Variants in RIMS2 observed in about 807,000 individuals in gnomAD.
RIMS2 encodes regulating synaptic membrane exocytosis protein 2.
A neutral mutation model predicts 174.4 loss-of-function variants in RIMS2; 59 were observed. The ratio of observed to expected loss-of-function variants is 0.34; its 90% CI spans 0.27 to 0.42. The LOEUF is 0.42. RIMS2 is among the 10% of genes least tolerant of loss of function. The probability of loss-of-function intolerance (pLI) is 1.00; values close to 1 mark genes in which losing one functional copy is unlikely to be tolerated. For missense variants in RIMS2, 1,620 were observed against 1,666.3 expected, an observed-to-expected ratio of 0.97 and a Z score of 0.48; for synonymous variants, 606 against 572.5, an observed-to-expected ratio of 1.06 and a Z score of -0.84.
chr8:104,222,115 G>C (rs2099158135), intron 19 of RIMS2, among the ~76,000 whole-genome samples: 1 of 152,120 alleles, frequency 6.6e-6, no homozygotes, highest in African/African-American at 2.4e-5. Context: ...AACTCTTTTT[G>C]AATTGCAGTG....
chr8:104,041,479 A>C, intron 19 of RIMS2, 121 bp downstream of exon 22: 2 of 509,298 alleles, frequency 3.9e-6, no homozygotes, highest in South Asian at 6.2e-5. Context: ...AAAATATTAA[A>C]TCTTATGAGC....
chr8:103,944,511 T>C (rs962116323), intron 14 of RIMS2, among the ~76,000 whole-genome samples: 7 of 152,064 alleles, frequency 4.6e-5, no homozygotes, highest in African/African-American at 1.7e-4. Flanking sequence ...AGGTAATAGA[T>C]TGAGGACTCT....
At chr8:103,569,459 T>C (rs1031838609) in intron 1 of RIMS2, among the ~76,000 whole-genome samples, 1 of 152,214 alleles carries the variant, frequency 6.6e-6, no homozygotes, top group African/African-American at 2.4e-5. Context: ...AATATTGCTG[T>C]CTTAACAATA....
intron 19 of RIMS2, among the ~76,000 whole-genome samples, chr8:104,092,483 T>C (rs2097678677): frequency 6.6e-6 from 1 of 151,932 alleles, no homozygotes; most frequent in African/African-American, 2.4e-5. Context: ...ATAGTAAGAA[T>C]ACTGTTACAT....
At chr8:103,716,135 A>G (rs910832334) in intron 2 of RIMS2, among the ~76,000 whole-genome samples, 174 bp from the exon 5 acceptor site, 1 of 152,056 alleles carries the variant, frequency 6.6e-6, no homozygotes. Context: ...AAAATTTTTT[A>G]AAATCTAGAA....
At chr8:103,893,121 GATTC>G (rs567911737) in intron 4 of RIMS2, among the ~76,000 whole-genome samples, 1 of 151,986 alleles carries the variant, frequency 6.6e-6, no homozygotes, top group South Asian at 2.1e-4. Context: ...GGATAGAGTA[GATTC>G]ATTCATTCAT....
chr8:103,633,281 A>G (rs1007617111), intron 1 of RIMS2, among the ~76,000 whole-genome samples: 4 of 150,518 alleles, frequency 2.7e-5, no homozygotes, highest in African/African-American at 9.8e-5. Context: ...TCCTGACCTC[A>G]GATGATCCAC....
chr8:103,580,871 C>T (rs1013450966), intron 1 of RIMS2, among the ~76,000 whole-genome samples: 1 of 142,672 alleles, frequency 7.0e-6, no homozygotes, highest in African/African-American at 2.6e-5. Flanking sequence ...GCTCTGTCAC[C>T]CAGGCTGGAG....
At chr8:103,513,578 A>G (rs1341760174) in intron 1 of RIMS2, among the ~76,000 whole-genome samples, 2 of 152,232 alleles carry the variant, frequency 1.3e-5, no homozygotes. Context: ...TAAGGACTAC[A>G]TATAGTCAGG....
intron 1 of RIMS2, among the ~76,000 whole-genome samples, chr8:103,667,446 C>G (rs970840465): frequency 6.6e-6 from 1 of 152,192 alleles, no homozygotes; most frequent in African/African-American, 2.4e-5. Context: ...TGAAGGCCTT[C>G]TGGCAGTTTT....
chr8:103,811,245 G>T (rs1016543806), intron 3 of RIMS2, among the ~76,000 whole-genome samples: 2 of 152,134 alleles, frequency 1.3e-5, no homozygotes, highest in African/African-American at 2.4e-5. Context: ...GGAACAAGCA[G>T]TCCTAACGCT....
At chr8:103,670,993 G>A (rs1209612309) in intron 1 of RIMS2, among the ~76,000 whole-genome samples, 1 of 152,136 alleles carries the variant, frequency 6.6e-6, no homozygotes, top group Non-Finnish European at 1.5e-5. Flanking sequence ...ACTTGAGACT[G>A]GGTAATTTAT....
chr8:104,113,014 T>C (rs957949265), intron 19 of RIMS2, among the ~76,000 whole-genome samples: 1 of 152,226 alleles, frequency 6.6e-6, no homozygotes, highest in African/African-American at 2.4e-5. Context: ...TTCCTTTTGT[T>C]CATACTTTTC....
chr8:104,126,976 C>T (rs916476556), intron 19 of RIMS2, among the ~76,000 whole-genome samples: 3 of 152,050 alleles, frequency 2.0e-5, no homozygotes, highest in African/African-American at 7.2e-5. Context: ...AAGGCTAGTG[C>T]CCATTCAGCT....
intron 19 of RIMS2, among the ~76,000 whole-genome samples, chr8:104,218,516 A>T (rs911508315): frequency 5.9e-5 from 9 of 152,154 alleles, no homozygotes; most frequent in African/African-American, 1.4e-4. Context: ...TGTGCACTTT[A>T]TTTCTATTAT....
At chr8:104,038,867 AATT>A (rs1565975387) in intron 19 of RIMS2, among the ~76,000 whole-genome samples, 2 of 151,948 alleles carry the variant, frequency 1.3e-5, no homozygotes, top group Non-Finnish European at 3.0e-5. Flanking sequence ...GCATTACATG[AATT>A]TTTATTTGCT....
At chr8:104,073,576 G>T (rs2154561935) in intron 19 of RIMS2, among the ~76,000 whole-genome samples, 1 of 152,142 alleles carries the variant, frequency 6.6e-6, no homozygotes, top group East Asian at 1.9e-4. Flanking sequence ...TTGTCTCCCT[G>T]GAATTAAGAA....
At chr8:104,226,745 C>T (rs1267034903) in intron 19 of RIMS2, among the ~76,000 whole-genome samples, 1 of 152,132 alleles carries the variant, frequency 6.6e-6, no homozygotes, top group Non-Finnish European at 1.5e-5. Flanking sequence ...TGATAACTCT[C>T]AGTTTCTCAT....
intron 1 of RIMS2, among the ~76,000 whole-genome samples, chr8:103,644,076 G>A (rs1409077956): frequency 3.3e-5 from 5 of 151,778 alleles, no homozygotes; most frequent in East Asian, 1.9e-4. Context: ...GATTTTCACC[G>A]AGAGAACCCG....
Sources: allele counts gnomAD v4.1 joint callset (sites outside exome capture counted in the v4.1 genomes callset), GRCh38; gene constraint gnomAD v4.1.1; transcripts MANE v1.5; gene names NCBI Gene and HGNC (gene_info 2026-07-23, HGNC 2026-07-21).